The following PPP1R37 variants were observed in gnomAD, a reference collection of about 807,000 sequenced individuals.
PPP1R37 encodes leucine rich repeat containing 68.
A neutral mutation model predicts 61.0 loss-of-function variants in PPP1R37; 21 were observed. The ratio of observed to expected loss-of-function variants is 0.34; its 90% CI spans 0.24 to 0.50. The LOEUF is 0.50. Ranked by LOEUF, PPP1R37 falls within the 20% of genes least tolerant of loss-of-function variation. PPP1R37 has a pLI of 0.98. For synonymous variants in PPP1R37, 443 were observed against 433.5 expected (o/e 1.02, Z -0.27); for missense variants, 910 against 952.7 (o/e 0.96, Z 0.59).
At chr19:45,109,837 T>A (rs1040895627) in intron 1 of PPP1R37, among the ~76,000 whole-genome samples, 1 of 152,182 alleles carries the variant, frequency 6.6e-6, no homozygotes, top group African/African-American at 2.4e-5. Context: ...TTCTTTGCCC[T>A]GAGGATCTGT....
intron 1 of PPP1R37, among the ~76,000 whole-genome samples, chr19:45,102,015 T>C (rs1157791060): frequency 6.6e-6 from 1 of 152,192 alleles, no homozygotes; most frequent in African/African-American, 2.4e-5. Flanking sequence ...TCTGAGTCCC[T>C]TCCCTCGTGC....
At chr19:45,099,177 CT>C (rs1363614439) in intron 1 of PPP1R37, among the ~76,000 whole-genome samples, 1 of 152,180 alleles carries the variant, frequency 6.6e-6, no homozygotes, top group African/African-American at 2.4e-5. Context: ...TTGTACTCCT[CT>C]TTCCCCTATA....
rs1454315522 is a variant in PPP1R37, at chr19:45,121,913, C to G, written c.203-16601C>G. 1.3e-5 allele frequency among the ~76,000 whole-genome samples: 2 copies of G among 152,162 alleles called. No homozygotes were observed. Among genetic ancestry groups the G allele is most frequent in the Non-Finnish European group, 2.9e-5 (2 of 68,016 alleles). On this transcript the variant is annotated intron_variant, in intron 1 of 12. Coordinates refer to ENST00000221462, the MANE Select transcript of PPP1R37 (RefSeq NM_019121.2). This position sits in a 1 kb window ranked among gnomAD's most constrained non-coding sequence, Gnocchi z 4.2. ...CTGTGTGGAGCAGCCTGGGGAAGGGCTTGGAGGCGGGAGTGAGGATGGTCT... is the reference window on the plus strand; with the variant it reads ...CTGTGTGGAGCAGCCTGGGGAAGGGGTTGGAGGCGGGAGTGAGGATGGTCT...
chr19:45,140,211 C>A, intron 2 of PPP1R37, 25 bp from the exon 3 acceptor site: 1 of 1,534,070 alleles, frequency 6.5e-7, no homozygotes, highest in Non-Finnish European at 8.7e-7. Flanking sequence ...TGTCTTCCTG[C>A]CTTAACCCCA....
intron 8 of PPP1R37, 163 bp from the exon 9 acceptor site, chr19:45,144,691 C>T (rs1466381115): frequency 4.9e-6 from 3 of 614,086 alleles, no homozygotes; most frequent in Admixed American, 3.3e-5. Flanking sequence ...GGACTTCAGG[C>T]CAGGCCTGCG....
intron 1 of PPP1R37, among the ~76,000 whole-genome samples, chr19:45,099,022 T>G (rs1051263073): frequency 5.9e-5 from 9 of 152,168 alleles, no homozygotes; most frequent in Admixed American, 5.9e-4. Flanking sequence ...ATAGGGTGAT[T>G]GGGAGGATTA....
At chr19:45,111,279 TA>T (rs1408621121) in intron 1 of PPP1R37, among the ~76,000 whole-genome samples, 3 of 151,400 alleles carry the variant, frequency 2.0e-5, no homozygotes, top group South Asian at 4.2e-4. Flanking sequence ...TTATTATTAT[TA>T]TTATTTTTAA....
At chr19:45,140,854 G>C (rs1968601951) in intron 4 of PPP1R37, among the ~76,000 whole-genome samples, 1 of 152,174 alleles carries the variant, frequency 6.6e-6, no homozygotes, top group Non-Finnish European at 1.5e-5. Context: ...TGGGCTGAGG[G>C]GCAGGCGTGT....
chr19:45,103,235 G>T (rs1482908834), intron 1 of PPP1R37, among the ~76,000 whole-genome samples: 2 of 152,202 alleles, frequency 1.3e-5, no homozygotes, highest in African/African-American at 2.4e-5. Context: ...GGTACTGAGC[G>T]GTTGCCTCAA....
chr19:45,094,700 C>T (rs953540829), intron 1 of PPP1R37, among the ~76,000 whole-genome samples: 2 of 151,170 alleles, frequency 1.3e-5, no homozygotes, highest in African/African-American at 2.4e-5. Context: ...TGTACTCCAG[C>T]CTGGGTGACA....
intron 1 of PPP1R37, among the ~76,000 whole-genome samples, chr19:45,111,743 G>T (rs1260123633): frequency 6.6e-6 from 1 of 150,560 alleles, no homozygotes; most frequent in African/African-American, 2.4e-5. Flanking sequence ...CCTGACTGTT[G>T]TCATTGTCAT....
In PPP1R37 at chr19:45,121,658, A is replaced by G. The variant is rs561629635; in HGVS notation, c.203-16856A>G. On this transcript the variant is annotated intron_variant, in intron 1 of 12. Transcript: ENST00000221462. The surrounding 1 kb of genome is among the most constrained non-coding windows in gnomAD (Gnocchi z 4.2). ...TGTGTGCAGTGTATACAGGGAGTCCAGGGGCTGGTGTGAGCCCTGCTCTTG... is the reference window on the plus strand; with the variant it reads ...TGTGTGCAGTGTATACAGGGAGTCCGGGGGCTGGTGTGAGCCCTGCTCTTG... Among the ~76,000 whole-genome samples the G allele has an allele frequency of 6.6e-6, 1 of 152,332 alleles. No homozygotes were observed. Among genetic ancestry groups the G allele is most frequent in the East Asian group, 1.9e-4 (1 of 5,168 alleles).
intron 1 of PPP1R37, among the ~76,000 whole-genome samples, chr19:45,118,127 A>G (rs1033397744): frequency 1.3e-5 from 2 of 152,208 alleles, no homozygotes; most frequent in African/African-American, 4.8e-5. Flanking sequence ...CCAACTGCCT[A>G]CAGAGGTAGC....
In PPP1R37 at chr19:45,142,717, G is replaced by A. The variant is rs1373173015; in HGVS notation, c.874+259G>A. 9.6e-6 allele frequency: 5 copies of A among 522,796 alleles called. No individual in the cohort carries two copies. In the Admixed American group the frequency reaches 1.8e-4, roughly 18 times the overall value. 32.4% of individuals were successfully genotyped at this position (522,796 alleles called of 1,614,324 possible). On this transcript the variant is annotated intron_variant, in intron 7 of 12. Transcript: ENST00000221462. ...TCCAGGAGGAGGAGACAGCTCAGCT[G>A]ACAGCCGCAGGATGAGGCGAAGTGA...
intron 1 of PPP1R37, 138 bp downstream of exon 1, chr19:45,093,665 C>T (rs1967953600): frequency 1.5e-5 from 9 of 592,644 alleles, no homozygotes; most frequent in South Asian, 1.0e-4. Context: ...CAGTTTAGAA[C>T]CGTAGTCTGT....
chr19:45,143,379 C>T (rs1408422025), intron 7 of PPP1R37, 142 bp from the exon 8 acceptor site: 8 of 577,832 alleles, frequency 1.4e-5, no homozygotes, highest in African/African-American at 7.6e-5. Context: ...GGTGCCAGGC[C>T]GAGGCAGGGC....
rs141044595 is a variant in PPP1R37, at chr19:45,143,412, C to T, written c.875-109C>T. ...GGCTGCAGGGCAAGGCCTGGGACTG[C>T]GGGGCCTCCATGGAGGTCCTAAGCA... On this transcript the variant is annotated intron_variant, in intron 7 of 12. Transcript: ENST00000221462. The T allele has an allele frequency of 2.3e-3, 1,477 of 639,914 alleles. 12 individuals are homozygous for T. The highest frequency in any genetic ancestry group is 0.022 in the African/African-American group (1,228 of 55,088). 39.6% of individuals were successfully genotyped at this position (639,914 alleles called of 1,614,324 possible).
Position 45,142,432 on chromosome 19 carries a change from T to C in PPP1R37, c.848T>C (p.Leu283Pro). 6.5e-7 allele frequency: 1 copy of C among 1,535,992 alleles called. No homozygotes were observed. The highest frequency in any genetic ancestry group is 1.2e-5 in the South Asian group (1 of 84,062). Residue 283 changes from leucine to proline, a missense_variant, in exon 7 of 13, where the codon CTC becomes CCC. Leu to Pro is a moderately conservative substitution (Grantham distance 98, BLOSUM62 -3). This residue lies in a region of PPP1R37 where 280 missense variants were observed against 382.2 expected (regional missense o/e 0.73). Coordinates refer to ENST00000221462, the MANE Select transcript of PPP1R37 (RefSeq NM_019121.2). Reference protein sequence around the residue: ...KFNCSLQILDLRNNHVLDSGL... With the variant: ...KFNCSLQILDPRNNHVLDSGL... ...AACTGCTCCCTGCAGATCCTGGACC[T>C]CCGGAACAACCACGTGCTAGACTCG...
At chr19:45,110,322 C>T (rs1968185076) in intron 1 of PPP1R37, among the ~76,000 whole-genome samples, 1 of 151,920 alleles carries the variant, frequency 6.6e-6, no homozygotes, top group South Asian at 2.1e-4. Context: ...CCCTGTGTTG[C>T]CCAGGCTAGT....
Sources: gnomAD v4.1 joint callset for allele counts (sites outside exome capture counted in the v4.1 genomes callset) on GRCh38, gnomAD v4.1.1 for gene constraint, gnomAD v4.1.1 regional missense constraint, Gnocchi (gnomAD v3.1) non-coding constraint, MANE v1.5 for transcripts, NCBI Gene and HGNC (gene_info 2026-07-23, HGNC 2026-07-21) for gene names.